The following SUGCT variants were observed in gnomAD, a reference collection of about 807,000 sequenced individuals.
SUGCT encodes succinyl-CoA:glutarate CoA-transferase.
In SUGCT, 41 loss-of-function variants were observed where a neutral mutation model predicts 55.0. The observed-to-expected ratio is 0.74, with a 90% CI of 0.58 to 0.97. SUGCT has a LOEUF of 0.97. SUGCT is among the 50% of genes least tolerant of loss of function. The pLI is 0.00. For synonymous variants in SUGCT, 187 were observed against 200.4 expected, an observed-to-expected ratio of 0.93 and a Z score of 0.56; for missense variants, 568 against 547.8, an observed-to-expected ratio of 1.04 and a Z score of -0.37.
At chr7:40,714,667 C>T (rs1237787927) in intron 12 of SUGCT, among the ~76,000 whole-genome samples, 3 of 152,190 alleles carry the variant, frequency 2.0e-5, no homozygotes. Context: ...TAATAGAGTT[C>T]ACACTGGCTT....
At chr7:40,882,559 C>G in the SUGCT span, among the ~76,000 whole-genome samples, 1 of 152,172 alleles carries the variant, frequency 6.6e-6, no homozygotes, top group East Asian at 1.9e-4. Flanking sequence ...GATATGCTTC[C>G]TGTTAGAACA....
intron 13 of SUGCT, among the ~76,000 whole-genome samples, chr7:40,756,716 T>C (rs1788269594): frequency 6.6e-6 from 1 of 152,194 alleles, no homozygotes; most frequent in South Asian, 2.1e-4. Flanking sequence ...TTGGTGCTCA[T>C]AAGGAATTCT....
the SUGCT span, among the ~76,000 whole-genome samples, chr7:41,036,055 A>C: frequency 2.6e-5 from 4 of 152,208 alleles, no homozygotes; most frequent in African/African-American, 9.6e-5. Flanking sequence ...TGAGGCTGCA[A>C]GATCCTTCAG....
At chr7:40,717,783 G>C (rs1786101633) in intron 12 of SUGCT, among the ~76,000 whole-genome samples, 1 of 152,000 alleles carries the variant, frequency 6.6e-6, no homozygotes, top group Non-Finnish European at 1.5e-5. Flanking sequence ...TGCATCGTTT[G>C]GTTCCAGGAT....
intron 11 of SUGCT, among the ~76,000 whole-genome samples, chr7:40,459,921 C>T (rs549479283): frequency 1.2e-4 from 18 of 152,168 alleles, no homozygotes; most frequent in Middle Eastern, 6.8e-3. Flanking sequence ...CTTTACATGT[C>T]TTCTGAATCT....
intron 12 of SUGCT, among the ~76,000 whole-genome samples, chr7:40,635,840 A>C (rs1799999530): frequency 6.6e-6 from 1 of 152,218 alleles, no homozygotes; most frequent in African/African-American, 2.4e-5. Context: ...GTATCACTGG[A>C]TGATTCAAGA....
chr7:40,514,136 A>G (rs1214957183), intron 12 of SUGCT, among the ~76,000 whole-genome samples: 1 of 151,878 alleles, frequency 6.6e-6, no homozygotes, highest in Non-Finnish European at 1.5e-5. Context: ...ACAATTAAAT[A>G]TGGACTGTTT....
At chr7:40,550,921 A>G (rs1367548402) in intron 12 of SUGCT, among the ~76,000 whole-genome samples, 1 of 152,086 alleles carries the variant, frequency 6.6e-6, no homozygotes, top group Non-Finnish European at 1.5e-5. Flanking sequence ...TTACTGCAGC[A>G]CTTTCCCTTA....
At chr7:40,679,696 A>G (rs1306009008) in intron 12 of SUGCT, among the ~76,000 whole-genome samples, 1 of 152,226 alleles carries the variant, frequency 6.6e-6, no homozygotes, top group Non-Finnish European at 1.5e-5. Context: ...TGGAAAATTT[A>G]TGATTAAAAA....
At chr7:40,249,321 A>ATCTATATATATATATATC (rs1326008353) in intron 7 of SUGCT, among the ~76,000 whole-genome samples, 7 of 109,466 alleles carry the variant, frequency 6.4e-5, no homozygotes, top group Non-Finnish European at 7.4e-5. Context: ...AGCTATATAT[A>ATCTATATATATATATATC]TATATATATA....
intron 13 of SUGCT, 68 bp from the exon 14 acceptor site, chr7:40,860,248 C>T: frequency 6.3e-7 from 1 of 1,594,618 alleles, no homozygotes; most frequent in Non-Finnish European, 8.6e-7. Context: ...ACACCCCAGG[C>T]TGCTTAGGTA....
rs182232003 is a variant in SUGCT, at chr7:40,555,524, C to G, written c.1089+59138C>G. 3.7e-3 allele frequency among the ~76,000 whole-genome samples: 563 copies of G among 152,056 alleles called. 5 individuals carry two copies. The highest frequency in any genetic ancestry group is 0.012 in the African/African-American group (511 of 41,436). The stretch of plus-strand genomic sequence containing the variant: ...AGCGCTTGGTTGAGCTTTCACAGGC[C>G]CATGATCCTGGGTGTGATAGAACAG... On this transcript the variant is annotated intron_variant, in intron 12 of 13. Transcript: ENST00000335693.
chr7:40,722,612 C>T (rs1007103967), intron 12 of SUGCT, among the ~76,000 whole-genome samples: 2 of 152,072 alleles, frequency 1.3e-5, no homozygotes, highest in Admixed American at 6.5e-5. Flanking sequence ...ATGGAGTGAG[C>T]CTTCTAAAAC....
intron 1 of SUGCT, among the ~76,000 whole-genome samples, chr7:40,174,011 G>C (rs1190109097): frequency 6.7e-6 from 1 of 149,602 alleles, no homozygotes; most frequent in Non-Finnish European, 1.5e-5. Context: ...TGTGATCATG[G>C]CTCACTGTAT....
intron 13 of SUGCT, among the ~76,000 whole-genome samples, chr7:40,792,025 G>T (rs1288315086): frequency 6.6e-6 from 1 of 152,140 alleles, no homozygotes; most frequent in African/African-American, 2.4e-5. Flanking sequence ...GGCCACACAT[G>T]ATTTGTCAAG....
intron 12 of SUGCT, among the ~76,000 whole-genome samples, chr7:40,740,140 A>G (rs1554410800): frequency 6.6e-6 from 1 of 152,036 alleles, no homozygotes; most frequent in Non-Finnish European, 1.5e-5. Context: ...TGTTGTTTAT[A>G]TCTAAGTATT....
intron 1 of SUGCT, among the ~76,000 whole-genome samples, chr7:40,160,267 C>T (rs145662911): frequency 1.0e-3 from 156 of 152,208 alleles, no homozygotes; most frequent in African/African-American, 3.5e-3. Flanking sequence ...CCCGCTTTGT[C>T]GCCCAGGATG....
At chr7:40,875,552 C>T in the SUGCT span, among the ~76,000 whole-genome samples, 1 of 152,200 alleles carries the variant, frequency 6.6e-6, no homozygotes, top group African/African-American at 2.4e-5. Context: ...CCACTTTAGA[C>T]AGCCACTAGA....
intron 7 of SUGCT, among the ~76,000 whole-genome samples, chr7:40,262,836 C>T (rs1172460178): frequency 6.6e-6 from 1 of 152,098 alleles, no homozygotes; most frequent in African/African-American, 2.4e-5. Context: ...AAGATGGTAG[C>T]AAAAAGAACA....
Sources: allele counts gnomAD v4.1 joint callset (sites outside exome capture counted in the v4.1 genomes callset), GRCh38; gene constraint gnomAD v4.1.1; transcripts MANE v1.5; gene names NCBI Gene and HGNC (gene_info 2026-07-23, HGNC 2026-07-21).